Variants in RNF213 observed in about 807,000 individuals in gnomAD.
RNF213 encodes ring finger protein 213, also known as E3 ubiquitin-protein ligase RNF213.
RNF213 carries 341 observed loss-of-function variants against 514.4 expected under a neutral mutation model. The ratio of observed to expected loss-of-function variants is 0.66; its 90% CI spans 0.61 to 0.73. The LOEUF is 0.73. Among genes scored for constraint, RNF213 ranks in the 30% least tolerant of loss-of-function variants. RNF213 has a pLI of 0.00. For synonymous variants in RNF213, 2,655 were observed against 2,658.2 expected (o/e 1.00, Z 0.04); for missense variants, 5,767 against 6,615.6 (o/e 0.87, Z 4.45).
intron 44 of RNF213, 88 bp from the exon 45 acceptor site, chr17:80,369,414 A>AT: frequency 1.6e-6 from 2 of 1,278,642 alleles, no homozygotes; most frequent in Non-Finnish European, 2.2e-6. Flanking sequence ...AAAAAAAAAA[A>AT]GTGAAATGCT....
intron 59 of RNF213, among the ~76,000 whole-genome samples, chr17:80,384,627 A>G (rs879292473): frequency 7.9e-5 from 12 of 152,124 alleles, no homozygotes; most frequent in Admixed American, 3.9e-4. Flanking sequence ...CAGTTTCACT[A>G]CGTCGAAGAT....
chr17:80,393,209 G>T (rs1395410019), intron 67 of RNF213, 136 bp from the exon 68 acceptor site: 2 of 817,352 alleles, frequency 2.4e-6, no homozygotes, highest in Non-Finnish European at 4.1e-6. Flanking sequence ...TTGAACTCCT[G>T]ACCTCCACTG....
chr17:80,288,325 C>G lies in RNF213; in HGVS notation c.772C>G (p.Gln258Glu). Residue 258 changes from glutamine to glutamate, a missense_variant, in exon 4 of 68, where the codon CAG (glutamine) becomes GAG (glutamate). Gln to Glu is a conservative substitution (Grantham distance 29, BLOSUM62 2). Transcript: ENST00000582970. The surrounding 1 kb of genome is among the most constrained non-coding windows in gnomAD (Gnocchi z 4.9). ...GGSSEPGTEL[Q>E]TTEQQAGASA... ...CAGCTCTGAGCCCGGGACAGAACTG[C>G]AGACCACCGAGCAACAGGCAGGGGC... 3 of 1,612,714 alleles carry G rather than the reference C, an allele frequency of 1.9e-6. No individual in the cohort carries two copies. The highest frequency in any genetic ancestry group is 2.5e-6 in the Non-Finnish European group (3 of 1,179,976).
chr17:80,367,780 C>A lies in RNF213; in HGVS notation c.11904C>A (p.His3968Gln), dbSNP rs368985577. 6.2e-7 allele frequency: 1 copy of A among 1,614,200 alleles called. No individual in the cohort carries two copies. The highest frequency in any genetic ancestry group is 1.7e-5 in the Admixed American group (1 of 60,030). Residue 3968 changes from histidine to glutamine, a missense_variant, in exon 43 of 68, where the codon CAC becomes CAA. His to Gln is a conservative substitution (Grantham distance 24). Coordinates refer to ENST00000582970, the MANE Select transcript of RNF213 (RefSeq NM_001256071.3). ...CLRENSDVKTHGPFEAVMRTL... is the reference protein window; with the variant it reads ...CLRENSDVKTQGPFEAVMRTL... ...GAGAGAACTCTGACGTGAAGACGCA[C>A]GGGCCTTTTGAGGCCGTGATGCGCA...
intron 10 of RNF213, among the ~76,000 whole-genome samples, chr17:80,297,428 C>A (rs112005182): frequency 2.1e-5 from 3 of 139,686 alleles, no homozygotes; most frequent in African/African-American, 8.2e-5. Flanking sequence ...CCAGCCTGGG[C>A]GACACAGTGA....
chr17:80,387,740 C>T (rs981280050), intron 63 of RNF213, among the ~76,000 whole-genome samples: 16 of 152,172 alleles, frequency 1.1e-4, no homozygotes, highest in Admixed American at 2.0e-4. Flanking sequence ...CCCTGTAGCT[C>T]GGCCCAGCCC....
chr17:80,308,976 C>T (rs1395658167), intron 13 of RNF213, 42 bp from the exon 14 acceptor site: 6 of 1,612,534 alleles, frequency 3.7e-6, no homozygotes, highest in Non-Finnish European at 5.1e-6. Context: ...CTGGCTTCTC[C>T]TAAATCCTTG....
chr17:80,290,522 G>C (rs1316213923), intron 6 of RNF213, 48 bp from the exon 7 acceptor site: 1 of 1,611,256 alleles, frequency 6.2e-7, no homozygotes, highest in Non-Finnish European at 8.5e-7. Flanking sequence ...CACATGGCAG[G>C]TGGACAGATC....
chr17:80,350,225 C>A, intron 30 of RNF213, 76 bp from the exon 31 acceptor site: 1 of 938,042 alleles, frequency 1.1e-6, no homozygotes, highest in Non-Finnish European at 1.7e-6. Context: ...TTTATGTTTC[C>A]CATCACTTTG....
chr17:80,360,082 C>G lies in RNF213; in HGVS notation c.11076C>G (p.Tyr3692Ter), dbSNP rs368054349. ...GCAGACATAAAGGTGAGATGGCCTA[C>G]ATCGTGGTGCAGAACCACATGAACC... is the stretch of plus-strand genomic sequence containing the variant. The part of the protein sequence containing the change: ...NNERHKGEMA[Y>*]IVVQNHMNLS... Residue 3692 changes from tyrosine (Y) to a stop codon, truncating the protein, a stop_gained, in exon 38 of 68, where the codon TAC becomes TAG. Transcript: ENST00000582970. LOFTEE classifies it high-confidence loss of function. 2 of 1,614,196 alleles carry G rather than the reference C, an allele frequency of 1.2e-6. No individual in the cohort carries two copies. Among genetic ancestry groups the G allele is most frequent in the Non-Finnish European group, 1.7e-6 (2 of 1,180,036 alleles).
rs374950734 is a variant in RNF213, at chr17:80,345,748, C to T, written c.7413C>T (p.Ala2471=). Residue 2471 remains alanine (A), a synonymous_variant, in exon 29 of 68, where the codon GCC becomes GCT. Transcript: ENST00000582970. This position sits in a 1 kb window ranked among gnomAD's most constrained non-coding sequence, Gnocchi z 6.0. The part of the protein sequence containing the change: ...YSRVREAENV[A]FANKDQHQLD... Reference sequence around the variant, plus strand: ...GAGTCAGGGAGGCTGAAAATGTGGCCTTCGCCAATAAGGACCAACATCAGT... The same window carrying T: ...GAGTCAGGGAGGCTGAAAATGTGGCTTTCGCCAATAAGGACCAACATCAGT... 1.4e-5 allele frequency: 22 copies of T among 1,614,072 alleles called. No homozygotes were observed. The highest frequency in any genetic ancestry group is 1.8e-5 in the Non-Finnish European group (21 of 1,180,052).
rs549983836 is a variant in RNF213 at position 80,386,905 on chromosome 17, C to T, written c.14922+14C>T. On this transcript the variant is annotated intron_variant, in intron 63 of 67. Coordinates refer to ENST00000582970, the MANE Select transcript of RNF213 (RefSeq NM_001256071.3). ...CTGAGCCTCAAGGTAGGGCTGACTC[C>T]TGCCACTGCTGCTCATTTGGTGTGT... is the stretch of plus-strand genomic sequence containing the variant. 3.1e-6 allele frequency: 5 copies of T among 1,600,918 alleles called. No homozygotes were observed. The highest frequency in any genetic ancestry group is 4.3e-6 in the Non-Finnish European group (5 of 1,173,792).
chr17:80,268,200 G>C (rs576243165), intron 2 of RNF213, among the ~76,000 whole-genome samples: 2 of 151,944 alleles, frequency 1.3e-5, no homozygotes, highest in Admixed American at 1.3e-4. Flanking sequence ...TTGTTGGATA[G>C]TTGGTGGATT....
Position 80,388,669 on chromosome 17 carries a change from A to G in RNF213, c.14980A>G (p.Ile4994Val), listed in dbSNP as rs1328394931. The part of the protein sequence containing the change: ...DWNYEHLFMD[I>V]KNKMAQDSLP... ...GAACTATGAACATCTCTTTATGGAC[A>G]TCAAGAACAAAATGGCACAGGTGAT... The change falls in exon 64 of 68, where the codon ATC becomes GTC. Residue 4994 changes from isoleucine to valine, a missense_variant. Around this residue, in one of 13 missense-constraint regions of RNF213, gnomAD observed 1,245 missense variants for 1,339.0 expected, o/e 0.93. Coordinates refer to ENST00000582970, the MANE Select transcript of RNF213 (RefSeq NM_001256071.3). 1.2e-6 allele frequency: 2 copies of G among 1,611,746 alleles called. No homozygotes were observed. Among genetic ancestry groups the G allele is most frequent in the Non-Finnish European group, 1.7e-6 (2 of 1,178,514 alleles).
intron 17 of RNF213, among the ~76,000 whole-genome samples, chr17:80,324,109 C>G (rs1662298728): frequency 6.6e-6 from 1 of 152,184 alleles, no homozygotes; most frequent in South Asian, 2.1e-4. Context: ...ACTGCCCTGG[C>G]TAGAACCTCC....
intron 21 of RNF213, 158 bp from the exon 22 acceptor site, chr17:80,333,947 A>C: frequency 1.4e-6 from 1 of 727,278 alleles, no homozygotes; most frequent in Non-Finnish European, 2.3e-6. Context: ...TTGATCATCC[A>C]ATTCAGGGGT....
intron 59 of RNF213, among the ~76,000 whole-genome samples, 198 bp downstream of exon 59, chr17:80,384,126 G>A (rs894222270): frequency 6.6e-6 from 1 of 152,228 alleles, no homozygotes; most frequent in African/African-American, 2.4e-5. Context: ...GAAGCGTAAA[G>A]TCACAGACGA....
intron 3 of RNF213, among the ~76,000 whole-genome samples, chr17:80,275,568 C>T (rs2044023563): frequency 6.6e-6 from 1 of 152,102 alleles, no homozygotes; most frequent in South Asian, 2.1e-4. Context: ...CTGAGAAGAC[C>T]TCAGTGCAGG....
chr17:80,382,978 G>A lies in RNF213; in HGVS notation c.13979-1G>A, dbSNP rs1234447552. The stretch of plus-strand genomic sequence containing the variant: ...CCTACACATTTGGAGTTTTTTTGTA[G>A]GGCTTTTAAATTTTGACACAGAATT... On this transcript the variant is annotated splice_acceptor_variant, in intron 57 of 67. Transcript: ENST00000582970. LOFTEE classifies it high-confidence loss of function. 2 of 1,610,496 alleles carry A rather than the reference G, an allele frequency of 1.2e-6. No individual in the cohort carries two copies. Among genetic ancestry groups the A allele is most frequent in the Admixed American group, 1.7e-5 (1 of 59,982 alleles).
Sources: gnomAD v4.1 joint callset for allele counts (sites outside exome capture counted in the v4.1 genomes callset) on GRCh38, gnomAD v4.1.1 for gene constraint, gnomAD v4.1.1 regional missense constraint, Gnocchi (gnomAD v3.1) non-coding constraint, MANE v1.5 for transcripts, NCBI Gene and HGNC (gene_info 2026-07-23, HGNC 2026-07-21) for gene names.